Variants in THY1 observed in about 807,000 individuals in gnomAD.
The protein encoded by THY1 is Thy-1 cell surface antigen.
In THY1, 10 loss-of-function variants were observed where a neutral mutation model predicts 14.9. That is an observed-to-expected ratio of 0.67 (90% CI 0.41 to 1.14). THY1 has a LOEUF of 1.14. THY1 is among the 50% of genes most tolerant of loss of function. The pLI, the probability that THY1 is intolerant of heterozygous loss-of-function variation, is 0.00. For synonymous variants in THY1, 80 were observed against 90.0 expected, an observed-to-expected ratio of 0.89 and a Z score of 0.63; for missense variants, 159 against 202.1, an observed-to-expected ratio of 0.79 and a Z score of 1.29.
chr11:119,422,690 G>T lies in THY1; in HGVS notation c.-25+423C>A. On this transcript the variant is annotated intron_variant, in intron 1 of 3. Coordinates refer to ENST00000284240, the MANE Select transcript of THY1 (RefSeq NM_006288.5). The surrounding 1 kb of genome is among the most constrained non-coding windows in gnomAD (Gnocchi z 7.0). ...TCCGGTGCCCCGCACCCAGCCCGCC[G>T]CGAGGTCACCCGGCAGATTCCCTCT... 9.6e-6 allele frequency: 2 copies of T among 208,968 alleles called. No individual in the cohort carries two copies. The highest frequency in any genetic ancestry group is 1.9e-5 in the Non-Finnish European group (2 of 103,018). The allele number at this position is 208,968 out of a possible 1,614,324, so 12.9% of individuals were successfully genotyped here. A position where few individuals can be genotyped will look rare whatever the true frequency, so the allele number is the denominator to read the frequency against.
intron 1 of THY1, chr11:119,421,250 G>A (rs1330540694): frequency 4.2e-6 from 1 of 239,998 alleles, no homozygotes; most frequent in Non-Finnish European, 7.9e-6. Context: ...GGTAATATAA[G>A]ACCTATGAGG....
At chr11:119,424,010 T>A (rs957064287), upstream of THY1, 1 of 152,410 alleles carries the variant, frequency 6.6e-6, no homozygotes, top group African/African-American at 2.4e-5. Flanking sequence ...GCTGGGTTCA[T>A]CCCATCTCAA....
intron 3 of THY1, 60 bp from the exon 4 acceptor site, chr11:119,419,580 C>T: frequency 1.4e-6 from 2 of 1,389,804 alleles, no homozygotes; most frequent in Non-Finnish European, 2.0e-6. Context: ...AGGACTCAGG[C>T]AGGCACAGGC....
upstream of THY1, chr11:119,423,779 C>T (rs1366215824): frequency 1.3e-5 from 2 of 153,782 alleles, no homozygotes; most frequent in African/African-American, 4.8e-5. Flanking sequence ...TTCCAGAGCA[C>T]CCAGCCCTTC....
intron 3 of THY1, 73 bp downstream of exon 3, chr11:119,419,978 G>T: frequency 6.7e-7 from 1 of 1,485,414 alleles, no homozygotes; most frequent in Non-Finnish European, 9.1e-7. Flanking sequence ...CTCTAGTCCA[G>T]CCAAGGGAAC....
At chr11:119,423,552 G>T (rs1861957079), upstream of THY1, 4 of 235,252 alleles carry the variant, frequency 1.7e-5, no homozygotes, top group South Asian at 1.5e-4. Flanking sequence ...AGAGGTGCAG[G>T]ATGCAGGCCG....
Position 119,420,389 on chromosome 11 carries a change from G to A in THY1, c.38-3C>T. On this transcript the variant is annotated splice_polypyrimidine_tract_variant and splice_region_variant and intron_variant, in intron 2 of 3. Coordinates refer to ENST00000284240, the MANE Select transcript of THY1 (RefSeq NM_006288.5). Reference sequence around the variant, plus strand: ...CTGCCCTCGGGAGACCTGCAAGACTGGCACCAGCAGTGCCTCCTTCAAACT... The same window carrying A: ...CTGCCCTCGGGAGACCTGCAAGACTAGCACCAGCAGTGCCTCCTTCAAACT... 6.2e-7 allele frequency: 1 copy of A among 1,604,394 alleles called. No homozygotes were observed. Among genetic ancestry groups the A allele is most frequent in the Non-Finnish European group, 8.5e-7 (1 of 1,176,188 alleles).
Position 119,417,030 on chromosome 11 carries a change from G to A in THY1, c.*2378C>T, listed in dbSNP as rs1234748205. On this transcript the variant is annotated 3_prime_UTR_variant, in exon 4 of 4. Coordinates refer to ENST00000284240, the MANE Select transcript of THY1 (RefSeq NM_006288.5). Reference sequence around the variant, plus strand: ...CAGGTGCGAGGCTTCACACAGTGCCGCTCATTTCCTTCCAGAAATACCTCC... The same window carrying A: ...CAGGTGCGAGGCTTCACACAGTGCCACTCATTTCCTTCCAGAAATACCTCC... 2.0e-5 allele frequency among the ~76,000 whole-genome samples: 3 copies of A among 152,202 alleles called. No individual in the cohort carries two copies. Among genetic ancestry groups the A allele is most frequent in the South Asian group, 2.1e-4 (1 of 4,824 alleles).
rs1861765154 is a variant in THY1 at position 119,415,910 on chromosome 11, GACTT to G, written c.*3494_*3497del. ...CTAGTAAATGAGATGATTTACTCTT[GACTT>G]GGGTTTGTTTGTTTCACATGTAAAG... On this transcript the variant is annotated 3_prime_UTR_variant, in exon 4 of 4. Transcript: ENST00000284240. Among the ~76,000 whole-genome samples the G allele has an allele frequency of 7.6e-6, 1 of 130,944 alleles. No homozygotes were observed. The highest frequency in any genetic ancestry group is 2.2e-4 in the South Asian group (1 of 4,640). 85.9% of individuals were successfully genotyped at this position (130,944 alleles called of 152,430 possible).
At chr11:119,419,737 C>A in intron 3 of THY1, 1 of 603,330 alleles carries the variant, frequency 1.7e-6, no homozygotes. Flanking sequence ...GAAAACCTTA[C>A]TAAACATCAT....
In THY1 at chr11:119,419,841, G is replaced by A. The variant is rs1235325892; in HGVS notation, c.373+210C>T. ...GGCCAAAGGCCTTGCCCACAGTTCTGGTGGAACCACACTGCTCTGCCTGTC... is the reference window on the plus strand; with the variant it reads ...GGCCAAAGGCCTTGCCCACAGTTCTAGTGGAACCACACTGCTCTGCCTGTC... On this transcript the variant is annotated intron_variant, in intron 3 of 3. Coordinates refer to ENST00000284240, the MANE Select transcript of THY1 (RefSeq NM_006288.5). The A allele has an allele frequency of 7.7e-6, 5 of 648,936 alleles. No homozygotes were observed. The South Asian group carries it at 8.0e-5, about 10-fold the overall frequency. The allele number at this position is 648,936 out of a possible 1,614,324, so 40.2% of individuals were successfully genotyped here.
chr11:119,422,631 A>C lies in THY1; in HGVS notation c.-25+482T>G, dbSNP rs1591361220. ...TCCCCCGTCCGCCCGCCTTCCACCC[A>C]GTCCCCGCCTGCGGCACTGCGGCTT... On this transcript the variant is annotated intron_variant, in intron 1 of 3. Transcript: ENST00000284240. This position sits in a 1 kb window ranked among gnomAD's most constrained non-coding sequence, Gnocchi z 7.0. The C allele has an allele frequency of 5.9e-6, 1 of 170,644 alleles. No homozygotes were observed. The highest frequency in any genetic ancestry group is 1.2e-5 in the Non-Finnish European group (1 of 83,656). 10.6% of individuals were successfully genotyped at this position (170,644 alleles called of 1,614,324 possible).
rs1386735707 is a variant in THY1, at chr11:119,416,348, C to A, written c.*3060G>T. Among the ~76,000 whole-genome samples the A allele has an allele frequency of 6.6e-6, 1 of 152,198 alleles. No individual in the cohort carries two copies. Among genetic ancestry groups the A allele is most frequent in the East Asian group, 1.9e-4 (1 of 5,188 alleles). On this transcript the variant is annotated 3_prime_UTR_variant, in exon 4 of 4. Coordinates refer to ENST00000284240, the MANE Select transcript of THY1 (RefSeq NM_006288.5). ...AGCCCTCTATAATTACCTGAGTCAC[C>A]ACAGATACCCCACAGCCTCCACAAG...
chr11:119,418,681 C>A lies in THY1; in HGVS notation c.*727G>T, dbSNP rs568088999. The A allele has an allele frequency of 6.5e-6, 1 of 153,016 alleles. No individual in the cohort carries two copies. The highest frequency in any genetic ancestry group is 1.9e-4 in the East Asian group (1 of 5,196). 9.5% of individuals were successfully genotyped at this position (153,016 alleles called of 1,614,324 possible). On this transcript the variant is annotated 3_prime_UTR_variant, in exon 4 of 4. Coordinates refer to ENST00000284240, the MANE Select transcript of THY1 (RefSeq NM_006288.5). ...TCCTTAGGCAGGGAGGGATGATGAACCCTCATCCTTTACCTCCTTCTCCAA... is the reference window on the plus strand; with the variant it reads ...TCCTTAGGCAGGGAGGGATGATGAAACCTCATCCTTTACCTCCTTCTCCAA...
chr11:119,423,289 G>T (rs920377597), upstream of THY1: 3 of 354,768 alleles, frequency 8.5e-6, no homozygotes, highest in Non-Finnish European at 1.7e-5. Context: ...AGGGTGGGGT[G>T]GGGGGTGGGG....
chr11:119,423,346 G>T (rs987530254), upstream of THY1: 1 of 372,098 alleles, frequency 2.7e-6, no homozygotes, highest in African/African-American at 2.1e-5. Flanking sequence ...GGCAGGTTGC[G>T]GCGGAAGGGG....
chr11:119,416,952 T>C lies in THY1; in HGVS notation c.*2456A>G, dbSNP rs1861788726. ...CCTTCTAAGAGTGTGGCTGCTAAAC[T>C]CTTCAGGGACATAGTACTAGAGTGT... On this transcript the variant is annotated 3_prime_UTR_variant, in exon 4 of 4. Coordinates refer to ENST00000284240, the MANE Select transcript of THY1 (RefSeq NM_006288.5). Among the ~76,000 whole-genome samples the C allele has an allele frequency of 6.6e-6, 1 of 152,164 alleles. No individual in the cohort carries two copies. The highest frequency in any genetic ancestry group is 1.5e-5 in the Non-Finnish European group (1 of 68,026).
At position 119,419,387 on chromosome 11, in the gene THY1, C is replaced by T. The variant is rs1400776603; in HGVS notation, c.*21G>A. 6.2e-7 allele frequency: 1 copy of T among 1,606,246 alleles called. No individual in the cohort carries two copies. The highest frequency in any genetic ancestry group is 1.1e-5 in the South Asian group (1 of 90,690). On this transcript the variant is annotated 3_prime_UTR_variant, in exon 4 of 4. Coordinates refer to ENST00000284240, the MANE Select transcript of THY1 (RefSeq NM_006288.5). ...TGCACTGGAACTTGAGGCTTCCTGT[C>T]TCCTCCATGGGCCCCACCAGTCACA... is the stretch of plus-strand genomic sequence containing the variant.
At position 119,419,489 on chromosome 11, in the gene THY1, C is replaced by G. The variant is rs1195562374; in HGVS notation, c.405G>C (p.Leu135=). 6.2e-7 allele frequency: 1 copy of G among 1,613,532 alleles called. No homozygotes were observed. Among genetic ancestry groups the G allele is most frequent in the Non-Finnish European group, 8.5e-7 (1 of 1,180,022 alleles). ...GCAGCCACGAGGTGTTCTGAGCCAGCAGGCTGATGCCCTCACACTTGACCA... is the reference window on the plus strand; with the variant it reads ...GCAGCCACGAGGTGTTCTGAGCCAGGAGGCTGATGCCCTCACACTTGACCA... ...DKLVKCEGIS[L]LAQNTSWLLL... Residue 135 remains leucine, a synonymous_variant, in exon 4 of 4, where the codon CTG becomes CTC. Coordinates refer to ENST00000284240, the MANE Select transcript of THY1 (RefSeq NM_006288.5).
Sources: gnomAD v4.1 joint callset for allele counts (sites outside exome capture counted in the v4.1 genomes callset) on GRCh38, gnomAD v4.1.1 for gene constraint, Gnocchi (gnomAD v3.1) non-coding constraint, MANE v1.5 for transcripts, NCBI Gene and HGNC (gene_info 2026-07-23, HGNC 2026-07-21) for gene names.